THSD7A: variants seen among roughly 807,000 people sequenced by gnomAD.
THSD7A encodes the protein thrombospondin type-1 domain-containing protein 7A.
THSD7A carries 96 observed loss-of-function variants against 231.3 expected under a neutral mutation model. The ratio of observed to expected loss-of-function variants is 0.41; its 90% confidence interval spans 0.35 to 0.49. THSD7A has a LOEUF of 0.49. Among genes scored for constraint, THSD7A ranks in the 20% least tolerant of loss-of-function variants. The pLI, the probability that THSD7A is intolerant of heterozygous loss-of-function variation, is 0.05. For missense variants in THSD7A, 2,290 were observed against 2,070.2 expected (o/e 1.11, Z -2.06); for synonymous variants, 940 against 743.3 (o/e 1.26, Z -4.30).
At chr7:11,733,766 A>T (rs919344243) in intron 1 of THSD7A, among the ~76,000 whole-genome samples, 1 of 151,982 alleles carries the variant, frequency 6.6e-6, no homozygotes, top group Non-Finnish European at 1.5e-5. Context: ...GGTCACAAAC[A>T]TCTCAAGCAG....
Position 11,474,552 on chromosome 7 carries a change from T to C in THSD7A, c.2034A>G (p.Pro678=), listed in dbSNP as rs1786078004. The C allele has an allele frequency of 1.3e-6, 2 of 1,592,444 alleles. No homozygotes were observed. The highest frequency in any genetic ancestry group is 8.6e-7 in the Non-Finnish European group (1 of 1,163,962). ...GTACTTCTTGCAAAGCACTGCTATT[T>C]GGACAGCGAATTCCACCTAAAAACA... The part of the protein sequence containing the change: ...YAGEEGGIRC[P]NSSALQEVRS... Residue 678 remains proline (P), a synonymous_variant, in exon 8 of 28, where the codon CCA becomes CCG. Coordinates refer to ENST00000423059, the MANE Select transcript of THSD7A (RefSeq NM_015204.3). The surrounding 1 kb of genome is among the most constrained non-coding windows in gnomAD (Gnocchi z 4.1).
intron 4 of THSD7A, among the ~76,000 whole-genome samples, chr7:11,546,255 C>G (rs999252175): frequency 6.6e-6 from 1 of 150,518 alleles, no homozygotes; most frequent in African/African-American, 2.5e-5. Context: ...CACTGCTGCC[C>G]TGTAGTTGAT....
At chr7:11,516,848 C>T (rs1452760862) in intron 6 of THSD7A, among the ~76,000 whole-genome samples, 2 of 151,938 alleles carry the variant, frequency 1.3e-5, no homozygotes, top group African/African-American at 2.4e-5. Flanking sequence ...TCATGTAATG[C>T]CATTAGTATT....
At chr7:11,683,387 C>A (rs1160259312) in intron 1 of THSD7A, among the ~76,000 whole-genome samples, 1 of 151,622 alleles carries the variant, frequency 6.6e-6, no homozygotes, top group African/African-American at 2.4e-5. Context: ...CAGAGCAGAA[C>A]TAAATAACAT....
intron 6 of THSD7A, among the ~76,000 whole-genome samples, chr7:11,515,671 C>G (rs1583886999): frequency 6.6e-6 from 1 of 152,066 alleles, no homozygotes; most frequent in East Asian, 1.9e-4. Context: ...GATAAATAAA[C>G]CAAGCTTGTG....
At position 11,752,746 on chromosome 7, in the gene THSD7A, G is replaced by C. The variant is rs117711443; in HGVS notation, c.190+79011C>G. Among the ~76,000 whole-genome samples, 25 of 151,948 alleles carry C rather than the reference G, an allele frequency of 1.6e-4. No homozygotes were observed. The East Asian group carries it at 4.9e-3, about 30-fold the overall frequency. On this transcript the variant is annotated intron_variant, in intron 1 of 27. Coordinates refer to ENST00000423059, the MANE Select transcript of THSD7A (RefSeq NM_015204.3). ...CAGTGGGCAATATAATGATACATCA[G>C]CTCTCCAAAAAATAAATTAAAAAAA...
intron 4 of THSD7A, among the ~76,000 whole-genome samples, chr7:11,561,759 C>G (rs183700979): frequency 9.2e-5 from 14 of 152,136 alleles, no homozygotes; most frequent in African/African-American, 2.9e-4. Flanking sequence ...GGCTGAGGCA[C>G]AAGAATTGCT....
intron 6 of THSD7A, among the ~76,000 whole-genome samples, chr7:11,515,986 T>C (rs1788016275): frequency 6.6e-6 from 1 of 152,142 alleles, no homozygotes; most frequent in South Asian, 2.1e-4. Context: ...AATGAATAAA[T>C]AGTGAATGAA....
At position 11,377,335 on chromosome 7, in the gene THSD7A, A is replaced by T. The variant is rs1782316373; in HGVS notation, c.4802-678T>A. ...TTTTGTAATTTGGGTTTCTGGTCTC[A>T]TCTTTGAACTCCTCAGTTCTATGCT... On this transcript the variant is annotated intron_variant, in intron 26 of 27. Transcript: ENST00000423059. This position sits in a 1 kb window ranked among gnomAD's most constrained non-coding sequence, Gnocchi z 4.5. Among the ~76,000 whole-genome samples, 1 of 152,110 alleles carries T rather than the reference A, an allele frequency of 6.6e-6. No individual in the cohort carries two copies. The highest frequency in any genetic ancestry group is 6.6e-5 in the Admixed American group (1 of 15,246).
At chr7:11,778,919 A>G (rs1783534221) in intron 1 of THSD7A, among the ~76,000 whole-genome samples, 1 of 152,174 alleles carries the variant, frequency 6.6e-6, no homozygotes, top group African/African-American at 2.4e-5. Context: ...AAGCACTTTT[A>G]CATACTTTAT....
At chr7:11,584,830 A>G (rs1791326872) in intron 4 of THSD7A, among the ~76,000 whole-genome samples, 1 of 152,236 alleles carries the variant, frequency 6.6e-6, no homozygotes, top group South Asian at 2.1e-4. Flanking sequence ...TCCTCTATTC[A>G]AATTCAGAGG....
intron 6 of THSD7A, among the ~76,000 whole-genome samples, chr7:11,517,727 A>C (rs1257746539): frequency 1.3e-5 from 2 of 152,214 alleles, no homozygotes; most frequent in Admixed American, 6.5e-5. Context: ...TACATAGAAG[A>C]TAATTTTATA....
chr7:11,642,697 A>T lies in THSD7A; in HGVS notation c.191-5736T>A, dbSNP rs571930972. On this transcript the variant is annotated intron_variant, in intron 1 of 27. Coordinates refer to ENST00000423059, the MANE Select transcript of THSD7A (RefSeq NM_015204.3). Reference sequence around the variant, plus strand: ...TAAAATTATGCAAAATTGCAATAAAAACTTTAAATGAATGCTACTTGGCTT... The same window carrying T: ...TAAAATTATGCAAAATTGCAATAAATACTTTAAATGAATGCTACTTGGCTT... Among the ~76,000 whole-genome samples the T allele has an allele frequency of 6.6e-5, 10 of 152,264 alleles. No homozygotes were observed. In the South Asian group the frequency reaches 1.9e-3, roughly 28 times the overall value.
intron 5 of THSD7A, 81 bp downstream of exon 5, chr7:11,542,881 C>T: frequency 1.4e-6 from 2 of 1,444,028 alleles, no homozygotes; most frequent in Non-Finnish European, 1.9e-6. Context: ...AAACAAGGAA[C>T]ACAGAAGAGC....
chr7:11,696,621 G>A (rs1010469753), intron 1 of THSD7A, among the ~76,000 whole-genome samples: 1 of 150,814 alleles, frequency 6.6e-6, no homozygotes, highest in Non-Finnish European at 1.5e-5. Flanking sequence ...GCCAAATCAT[G>A]AGTGAACTCC....
chr7:11,803,072 G>A (rs1350482750), intron 1 of THSD7A, among the ~76,000 whole-genome samples: 1 of 152,138 alleles, frequency 6.6e-6, no homozygotes, highest in African/African-American at 2.4e-5. Context: ...AGATAATTTG[G>A]TAGGGAGAGG....
chr7:11,375,231 T>A lies in THSD7A; in HGVS notation c.*563A>T, dbSNP rs1782218048. 6.6e-6 allele frequency: 1 copy of A among 151,836 alleles called. No homozygotes were observed. Among genetic ancestry groups the A allele is most frequent in the South Asian group, 2.1e-4 (1 of 4,808 alleles). 9.4% of individuals were successfully genotyped at this position (151,836 alleles called of 1,614,324 possible). On this transcript the variant is annotated 3_prime_UTR_variant, in exon 28 of 28. Coordinates refer to ENST00000423059, the MANE Select transcript of THSD7A (RefSeq NM_015204.3). ...GTCTCTGAAATGCAGGTCAATAAAA[T>A]CTACCATCGACCACCAAGATGCTGA...
At chr7:11,489,885 CT>C (rs1035096608) in intron 6 of THSD7A, among the ~76,000 whole-genome samples, 11 of 152,072 alleles carry the variant, frequency 7.2e-5, no homozygotes, top group African/African-American at 2.6e-4. Flanking sequence ...TTAGGTTTCT[CT>C]TTTTTCCCCC....
At chr7:11,717,461 C>T (rs923677957) in intron 1 of THSD7A, among the ~76,000 whole-genome samples, 2 of 151,708 alleles carry the variant, frequency 1.3e-5, no homozygotes, top group Non-Finnish European at 1.5e-5. Flanking sequence ...CCTCACCCTC[C>T]ATTTTCTGCT....
Sources: allele counts gnomAD v4.1 joint callset (sites outside exome capture counted in the v4.1 genomes callset), GRCh38; gene constraint gnomAD v4.1.1; non-coding constraint Gnocchi (gnomAD v3.1); transcripts MANE v1.5; gene names NCBI Gene and HGNC (gene_info 2026-07-23, HGNC 2026-07-21).